The following ANKS1B variants were observed in gnomAD, a reference collection of about 807,000 sequenced individuals.
The protein encoded by ANKS1B is ankyrin repeat and sterile alpha motif domain-containing protein 1B.
A neutral mutation model predicts 148.3 loss-of-function variants in ANKS1B; 36 were observed. The observed-to-expected ratio is 0.24, with a 90% CI of 0.19 to 0.32. The LOEUF is 0.32. Ranked by LOEUF, ANKS1B falls within the 10% of genes least tolerant of loss-of-function variation. The pLI is 1.00. For missense variants in ANKS1B, 1,157 were observed against 1,542.6 expected, an observed-to-expected ratio of 0.75 and a Z score of 4.19; for synonymous variants, 542 against 560.8, an observed-to-expected ratio of 0.97 and a Z score of 0.47.
chr12:99,780,820 G>A (rs1013456400), intron 5 of ANKS1B, among the ~76,000 whole-genome samples: 9 of 152,044 alleles, frequency 5.9e-5, no homozygotes, highest in African/African-American at 2.2e-4. Context: ...ATTTTGAATT[G>A]TTGTCCACAA....
At chr12:99,900,197 C>A (rs2093544781) in intron 1 of ANKS1B, among the ~76,000 whole-genome samples, 1 of 150,438 alleles carries the variant, frequency 6.6e-6, no homozygotes, top group Non-Finnish European at 1.5e-5. Flanking sequence ...CCACTCCTGG[C>A]ATAACAGTGA....
At chr12:99,277,868 T>C (rs1701183666) in intron 12 of ANKS1B, among the ~76,000 whole-genome samples, 1 of 152,182 alleles carries the variant, frequency 6.6e-6, no homozygotes, top group Admixed American at 6.5e-5. Flanking sequence ...CCTGAATAGG[T>C]CTCATCTGGT....
chr12:99,052,747 A>AAAAAAG (rs2099967041), intron 17 of ANKS1B, among the ~76,000 whole-genome samples: 1 of 147,940 alleles, frequency 6.8e-6, no homozygotes, highest in Non-Finnish European at 1.5e-5. Context: ...AAAAAAAAAA[A>AAAAAAG]AAAAAAAAAA....
chr12:98,868,688 GGA>G (rs2099638011), intron 17 of ANKS1B, among the ~76,000 whole-genome samples: 1 of 152,194 alleles, frequency 6.6e-6, no homozygotes, highest in Non-Finnish European at 1.5e-5. Context: ...TCCACAAAGT[GGA>G]ATGACATTGC....
At chr12:99,061,136 G>A (rs2042329776) in intron 16 of ANKS1B, among the ~76,000 whole-genome samples, 1 of 152,174 alleles carries the variant, frequency 6.6e-6, no homozygotes, top group Non-Finnish European at 1.5e-5. Context: ...TGCCGGACTA[G>A]AGACAAGATA....
chr12:99,024,145 T>C (rs1166901111), intron 17 of ANKS1B, among the ~76,000 whole-genome samples: 3 of 152,118 alleles, frequency 2.0e-5, no homozygotes, highest in Non-Finnish European at 4.4e-5. Context: ...TTCCCACTTA[T>C]ATTTTCCTTC....
At chr12:99,107,167 A>G (rs898591232) in intron 15 of ANKS1B, among the ~76,000 whole-genome samples, 1 of 152,006 alleles carries the variant, frequency 6.6e-6, no homozygotes, top group African/African-American at 2.4e-5. Context: ...GATGTAATAT[A>G]ATTTATAAAT....
At chr12:99,560,810 G>GGGGTT (rs2153195896) in intron 9 of ANKS1B, among the ~76,000 whole-genome samples, 1 of 149,920 alleles carries the variant, frequency 6.7e-6, no homozygotes, top group South Asian at 2.1e-4. Context: ...GCTGAAGATT[G>GGGGTT]GGGTTGCAAT....
intron 17 of ANKS1B, among the ~76,000 whole-genome samples, chr12:98,936,774 T>C (rs559039200): frequency 6.6e-6 from 1 of 152,332 alleles, no homozygotes; most frequent in East Asian, 1.9e-4. Flanking sequence ...TAATGTTTTA[T>C]AGTCATTTTC....
At chr12:99,877,036 A>G (rs2153733564) in intron 1 of ANKS1B, among the ~76,000 whole-genome samples, 1 of 152,204 alleles carries the variant, frequency 6.6e-6, no homozygotes, top group South Asian at 2.1e-4. Context: ...ACGTGTGTCT[A>G]TACTGATATA....
At chr12:99,387,874 T>TTTTTTTTTTTTTTTTTTTTGAG (rs1310198385) in intron 12 of ANKS1B, among the ~76,000 whole-genome samples, 4 of 151,760 alleles carry the variant, frequency 2.6e-5, no homozygotes, top group African/African-American at 4.9e-5. Flanking sequence ...AATTGTAATT[T>TTTTTTTTTTTTTTTTTTTTGAG]ACCAAGTAGA....
intron 17 of ANKS1B, among the ~76,000 whole-genome samples, chr12:98,930,669 A>T (rs1028767571): frequency 2.0e-5 from 3 of 152,080 alleles, no homozygotes; most frequent in Admixed American, 2.0e-4. Context: ...AAAAAAACTA[A>T]TGAAAAAAAG....
intron 1 of ANKS1B, among the ~76,000 whole-genome samples, chr12:99,927,863 A>ATT (rs1170618876): frequency 3.3e-5 from 5 of 152,228 alleles, no homozygotes; most frequent in Non-Finnish European, 7.3e-5. Context: ...TTAATTTTAA[A>ATT]AAACACTTTA....
intron 17 of ANKS1B, among the ~76,000 whole-genome samples, chr12:98,858,938 T>C (rs1344215194): frequency 1.3e-5 from 2 of 152,352 alleles, no homozygotes; most frequent in African/African-American, 4.8e-5. Context: ...CCTTATATTA[T>C]CGATTTACAT....
chr12:99,651,097 G>A (rs140001697), intron 9 of ANKS1B, among the ~76,000 whole-genome samples: 1 of 152,140 alleles, frequency 6.6e-6, no homozygotes, highest in East Asian at 1.9e-4. Context: ...ATTTTACATA[G>A]TACTGTACTA....
intron 12 of ANKS1B, among the ~76,000 whole-genome samples, chr12:99,357,694 T>C (rs2092129391): frequency 1.3e-5 from 2 of 152,146 alleles, no homozygotes; most frequent in South Asian, 4.1e-4. Context: ...TTGTCCATGG[T>C]ACAAAATTTA....
At chr12:98,925,453 A>C (rs1250852249) in intron 17 of ANKS1B, among the ~76,000 whole-genome samples, 2 of 152,190 alleles carry the variant, frequency 1.3e-5, no homozygotes, top group Non-Finnish European at 2.9e-5. Flanking sequence ...TATGAATCTC[A>C]AAATTTTGTA....
In ANKS1B at chr12:99,361,552, T is replaced by C. The variant is rs149729281; in HGVS notation, c.1756+38079A>G. Among the ~76,000 whole-genome samples the C allele has an allele frequency of 1.7e-3, 259 of 152,210 alleles. 1 individual carries two copies. Among genetic ancestry groups the C allele is most frequent in the African/African-American group, 5.9e-3 (244 of 41,574 alleles). On this transcript the variant is annotated intron_variant, in intron 12 of 26. Transcript: ENST00000683438. Reference sequence around the variant, plus strand: ...TGTCTCTAAAGCTATTTCTCAGAATTAGTAAGTGTTCAGAGTACAAACAGA... The same window carrying C: ...TGTCTCTAAAGCTATTTCTCAGAATCAGTAAGTGTTCAGAGTACAAACAGA...
intron 17 of ANKS1B, among the ~76,000 whole-genome samples, chr12:98,846,313 AG>A (rs1196808665): frequency 1.3e-5 from 2 of 152,238 alleles, no homozygotes; most frequent in African/African-American, 4.8e-5. Context: ...GCTATCCAAA[AG>A]TTCCAGTTAA....
Sources: gnomAD v4.1 joint callset for allele counts (sites outside exome capture counted in the v4.1 genomes callset) on GRCh38, gnomAD v4.1.1 for gene constraint, MANE v1.5 for transcripts, NCBI Gene and HGNC (gene_info 2026-07-23, HGNC 2026-07-21) for gene names.